The following THOC1 variants were observed in gnomAD, a reference collection of about 807,000 sequenced individuals.
THOC1 encodes THO complex subunit 1.
Under a neutral mutation model 97.3 loss-of-function variants are expected in THOC1, and 29 were observed. That is an observed-to-expected ratio of 0.30 (90% CI 0.22 to 0.41). The LOEUF is 0.41. Ranked by LOEUF, THOC1 falls within the 10% of genes least tolerant of loss-of-function variation. The pLI is 1.00. For missense variants in THOC1, 529 were observed against 761.9 expected, an observed-to-expected ratio of 0.69 and a Z score of 3.60; for synonymous variants, 255 against 257.0, an observed-to-expected ratio of 0.99 and a Z score of 0.07.
At chr18:220,853 T>G (rs1013667458) in intron 17 of THOC1, among the ~76,000 whole-genome samples, 1 of 152,212 alleles carries the variant, frequency 6.6e-6, no homozygotes, top group African/African-American at 2.4e-5. Context: ...GTTGTCTATT[T>G]TACTGATTTC....
chr18:260,179 C>T lies in THOC1; in HGVS notation c.375+7G>A, dbSNP rs1912560412. 6.7e-7 allele frequency: 1 copy of T among 1,503,368 alleles called. No homozygotes were observed. Among genetic ancestry groups the T allele is most frequent in the Non-Finnish European group, 9.0e-7 (1 of 1,112,514 alleles). 93.1% of individuals were successfully genotyped at this position (1,503,368 alleles called of 1,614,324 possible). ...AAGTTAGCAGGAAAAGAAACTAAGG[C>T]ACTTACTGATTTCCAAGTAGCAACA... On this transcript the variant is annotated splice_region_variant and intron_variant, in intron 5 of 20. Coordinates refer to ENST00000261600, the MANE Select transcript of THOC1 (RefSeq NM_005131.3).
At chr18:231,754 A>AT (rs914978311) in intron 11 of THOC1, among the ~76,000 whole-genome samples, 8 of 152,124 alleles carry the variant, frequency 5.3e-5, no homozygotes, top group Non-Finnish European at 7.4e-5. Context: ...ACTACCATGT[A>AT]TTTCACGGTT....
chr18:259,628 T>C, intron 6 of THOC1, 54 bp downstream of exon 6: 1 of 1,324,690 alleles, frequency 7.5e-7, no homozygotes, highest in Non-Finnish European at 1.0e-6. Flanking sequence ...ACCATGTGTT[T>C]TTCTGGGCAT....
intron 11 of THOC1, among the ~76,000 whole-genome samples, chr18:237,031 T>C (rs1403118814): frequency 6.6e-6 from 1 of 152,064 alleles, no homozygotes; most frequent in Non-Finnish European, 1.5e-5. Flanking sequence ...AGGAGTTGCA[T>C]ATTTCTCAAA....
At chr18:231,710 T>G (rs1274711316) in intron 11 of THOC1, among the ~76,000 whole-genome samples, 2 of 152,178 alleles carry the variant, frequency 1.3e-5, no homozygotes, top group Non-Finnish European at 2.9e-5. Context: ...CCCTCCCCAC[T>G]CCTATTTCCC....
chr18:215,885 A>G (rs1473627855), intron 19 of THOC1: 1 of 205,514 alleles, frequency 4.9e-6, no homozygotes, highest in Non-Finnish European at 9.8e-6. Flanking sequence ...AAAAGACAAT[A>G]TAATGCATTG....
rs534593142 is a variant in THOC1, at chr18:268,003, G to C, written c.17C>G (p.Pro6Arg). 6.2e-7 allele frequency: 1 copy of C among 1,608,728 alleles called. No individual in the cohort carries two copies. The highest frequency in any genetic ancestry group is 8.5e-7 in the Non-Finnish European group (1 of 1,177,934). MSPTP[P>R]LFSLPEARTR... ...CCGCGCTTCGGGCAAACTGAAGAGC[G>C]GCGGCGTCGGAGACATCTTCTCGGC... is the stretch of plus-strand genomic sequence containing the variant. The change falls in exon 1 of 21, where the codon CCG becomes CGG. Residue 6 changes from proline to arginine, a missense_variant. By Grantham distance (103) the Pro-to-Arg change is moderately radical. This residue lies in a region of THOC1 where 114 missense variants were observed against 97.4 expected (regional missense o/e 1.17). Coordinates refer to ENST00000261600, the MANE Select transcript of THOC1 (RefSeq NM_005131.3).
intron 4 of THOC1, 79 bp from the exon 5 acceptor site, chr18:260,383 A>G: frequency 1.1e-6 from 1 of 922,244 alleles, no homozygotes; most frequent in Middle Eastern, 3.0e-4. Context: ...ATTCTGAAGA[A>G]TATCTTAAAA....
At chr18:263,301 G>C (rs868512254) in intron 4 of THOC1, among the ~76,000 whole-genome samples, 1 of 151,100 alleles carries the variant, frequency 6.6e-6, no homozygotes, top group Non-Finnish European at 1.5e-5. Context: ...GGATGGTCTC[G>C]ATCTCCTGAC....
Position 259,947 on chromosome 18 carries a change from G to A in THOC1, c.376-217C>T, listed in dbSNP as rs182727504. On this transcript the variant is annotated intron_variant, in intron 5 of 20. Transcript: ENST00000261600. The stretch of plus-strand genomic sequence containing the variant: ...AAGTAACTGTTTTAAACATGTGAAA[G>A]TGTGAATTTTCAAGTTAATTTTTAT... 4.2e-5 allele frequency: 22 copies of A among 522,156 alleles called. No individual in the cohort carries two copies. In the East Asian group the frequency reaches 7.0e-4, roughly 17 times the overall value. 32.3% of individuals were successfully genotyped at this position (522,156 alleles called of 1,614,324 possible).
At chr18:248,615 G>A (rs948090773) in intron 9 of THOC1, among the ~76,000 whole-genome samples, 2 of 152,166 alleles carry the variant, frequency 1.3e-5, no homozygotes, top group Admixed American at 6.6e-5. Flanking sequence ...GCACCAGTAT[G>A]AGAAAAACAT....
In THOC1 at chr18:224,161, A is replaced by T. The variant is rs759559996; in HGVS notation, c.1227T>A (p.Pro409=). 15 of 1,609,832 alleles carry T rather than the reference A, an allele frequency of 9.3e-6. No homozygotes were observed. Among genetic ancestry groups the T allele is most frequent in the Non-Finnish European group, 1.3e-5 (15 of 1,177,784 alleles). Reference sequence around the variant, plus strand: ...CTGTTCTCTTCCGAATTATTCTCGTAGGTTTGGTATCTGATGTTCTGTCGT... The same window carrying T: ...CTGTTCTCTTCCGAATTATTCTCGTTGGTTTGGTATCTGATGTTCTGTCGT... ...FVKERTSDTK[P]TRIIRKRTAP... Residue 409 remains proline (P), a synonymous_variant, in exon 16 of 21, where the codon CCT becomes CCA. Transcript: ENST00000261600.
chr18:252,579 C>G lies in THOC1; in HGVS notation c.637G>C (p.Glu213Gln). Residue 213 changes from glutamate (E) to glutamine (Q), a missense_variant, in exon 9 of 21, where the codon GAA becomes CAA. By Grantham distance (29) the Glu-to-Gln change is conservative (BLOSUM62 2). Transcript: ENST00000261600. ...TCCTCGTCTCCCATTTCGCCTTCTT[C>G]TACATCCATTCCTTCTTCTCTATCT... ...TEDREEGMDV[E>Q]EGEMGDEEAP... 6.2e-7 allele frequency: 1 copy of G among 1,609,638 alleles called. No homozygotes were observed. The highest frequency in any genetic ancestry group is 8.5e-7 in the Non-Finnish European group (1 of 1,178,586).
chr18:230,598 CT>C (rs1911451030), intron 11 of THOC1, among the ~76,000 whole-genome samples: 1 of 152,206 alleles, frequency 6.6e-6, no homozygotes. Flanking sequence ...GATTACACAG[CT>C]AGTTAGTGAC....
intron 17 of THOC1, among the ~76,000 whole-genome samples, chr18:219,596 C>T (rs1014661962): frequency 1.7e-4 from 26 of 151,924 alleles, no homozygotes; most frequent in Non-Finnish European, 3.2e-4. Context: ...GAAGTAAAAC[C>T]GTCAAAACTA....
At chr18:250,539 C>T (rs7239265) in intron 9 of THOC1, among the ~76,000 whole-genome samples, 32,741 of 152,070 alleles carry the variant, frequency 0.22, 3,994 homozygotes, top group South Asian at 0.35. Context: ...TTTAAATGTT[C>T]AGCTATTTTA....
At chr18:259,485 G>A (rs1199516751) in intron 6 of THOC1, among the ~76,000 whole-genome samples, 197 bp downstream of exon 6, 8 of 151,998 alleles carry the variant, frequency 5.3e-5, no homozygotes, top group African/African-American at 9.7e-5. Context: ...ACTTTACTAC[G>A]TTTCTGACTT....
chr18:264,200 A>T, intron 3 of THOC1, 108 bp from the exon 4 acceptor site: 2 of 699,310 alleles, frequency 2.9e-6, no homozygotes, highest in Non-Finnish European at 4.7e-6. Context: ...AGAAATATGG[A>T]ATACAATATT....
chr18:263,576 T>C (rs529642464), intron 4 of THOC1: 1 of 153,384 alleles, frequency 6.5e-6, no homozygotes, highest in Non-Finnish European at 1.5e-5. Flanking sequence ...TCCTGACTCC[T>C]TTAGACTGAA....
Sources: gnomAD v4.1 joint callset for allele counts (sites outside exome capture counted in the v4.1 genomes callset) on GRCh38, gnomAD v4.1.1 for gene constraint, gnomAD v4.1.1 regional missense constraint, MANE v1.5 for transcripts, NCBI Gene and HGNC (gene_info 2026-07-23, HGNC 2026-07-21) for gene names.